SATB2: variants seen among roughly 807,000 people sequenced by gnomAD.
The protein encoded by SATB2 is DNA-binding protein SATB2.
SATB2 carries 1 observed loss-of-function variant against 73.4 expected under a neutral mutation model. The ratio of observed to expected loss-of-function variants is 0.01; its 90% CI spans 0.00 to 0.06. The LOEUF (loss-of-function observed/expected upper bound fraction) is 0.06, where lower values mean the gene tolerates loss of function less well. Among genes scored for constraint, SATB2 ranks in the 10% least tolerant of loss-of-function variants. The probability of loss-of-function intolerance (pLI) is 1.00; values close to 1 mark genes in which losing one functional copy is unlikely to be tolerated. For synonymous variants in SATB2, 397 were observed against 367.0 expected (o/e 1.08, Z -0.93); for missense variants, 459 against 945.8 (o/e 0.49, Z 6.75).
At chr2:199,352,495 A>T (rs1688848369) in intron 6 of SATB2, among the ~76,000 whole-genome samples, 1 of 152,186 alleles carries the variant, frequency 6.6e-6, no homozygotes, top group Non-Finnish European at 1.5e-5. Flanking sequence ...TATCCTTATG[A>T]GTTTCCAGGT....
chr2:199,369,501 G>T (rs894648987), intron 5 of SATB2, among the ~76,000 whole-genome samples: 7 of 152,060 alleles, frequency 4.6e-5, no homozygotes, highest in Admixed American at 2.6e-4. Context: ...GTATGTTTGG[G>T]CCAACATTTG....
At chr2:199,332,689 TTC>T (rs1209446693) in intron 7 of SATB2, among the ~76,000 whole-genome samples, 24 of 152,252 alleles carry the variant, frequency 1.6e-4, no homozygotes, top group African/African-American at 5.5e-4. Flanking sequence ...AGTCTGTACT[TTC>T]TGTGTCAATG....
chr2:199,438,045 A>G (rs950385182), intron 2 of SATB2, among the ~76,000 whole-genome samples: 1 of 152,194 alleles, frequency 6.6e-6, no homozygotes, highest in African/African-American at 2.4e-5. Context: ...AAACATAGCT[A>G]GTCTCAAATT....
At chr2:199,284,429 C>T (rs1574470562) in intron 10 of SATB2, among the ~76,000 whole-genome samples, 1 of 152,092 alleles carries the variant, frequency 6.6e-6, no homozygotes, top group African/African-American at 2.4e-5. Context: ...TAGAATGTTG[C>T]TCTAGTATCA....
chr2:199,383,815 C>A (rs1009099457), intron 3 of SATB2, among the ~76,000 whole-genome samples: 2 of 152,192 alleles, frequency 1.3e-5, no homozygotes, highest in Admixed American at 6.5e-5. Context: ...CACACTACAG[C>A]CAGACACAAC....
intron 2 of SATB2, among the ~76,000 whole-genome samples, chr2:199,434,729 C>A (rs970165807): frequency 1.3e-5 from 2 of 152,080 alleles, no homozygotes; most frequent in African/African-American, 2.4e-5. Context: ...GGGAGTATGG[C>A]CCCTGACACA....
At chr2:199,276,356 G>GTGTTT (rs761046650) in intron 10 of SATB2, among the ~76,000 whole-genome samples, 18 of 152,228 alleles carry the variant, frequency 1.2e-4, no homozygotes, top group East Asian at 3.9e-4. Flanking sequence ...TTTCGATTTG[G>GTGTTT]TGTTTTGTTT....
At chr2:199,379,283 G>A (rs1689694165) in intron 5 of SATB2, among the ~76,000 whole-genome samples, 1 of 152,110 alleles carries the variant, frequency 6.6e-6, no homozygotes, top group South Asian at 2.1e-4. Context: ...AGTTTATGGT[G>A]CGTTCACTAA....
At chr2:199,382,126 A>C (rs1003728847) in intron 3 of SATB2, among the ~76,000 whole-genome samples, 2 of 152,240 alleles carry the variant, frequency 1.3e-5, no homozygotes, top group African/African-American at 4.8e-5. Flanking sequence ...TCACATTCTA[A>C]CTTAAGGCTG....
Position 199,287,586 on chromosome 2 carries a change from TG to T in SATB2, c.1741-14915del, listed in dbSNP as rs577771494. On this transcript the variant is annotated intron_variant, in intron 10 of 10. Coordinates refer to ENST00000417098, the MANE Select transcript of SATB2 (RefSeq NM_001172509.2). ...ACAAGGATAATATGGAGGGGTGTGG[TG>T]GGGGGGGAGATTATCTATGTATACT... Among the ~76,000 whole-genome samples the T allele has an allele frequency of 1.6e-3, 243 of 149,028 alleles. 3 individuals carry two copies. The highest frequency in any genetic ancestry group is 4.5e-3 in the African/African-American group (185 of 40,718).
Position 199,444,557 on chromosome 2 carries a change from G to A in SATB2, c.170-11043C>T, listed in dbSNP as rs910688733. 2.0e-5 allele frequency among the ~76,000 whole-genome samples: 3 copies of A among 152,100 alleles called. No individual in the cohort carries two copies. In the East Asian group the frequency reaches 5.8e-4, roughly 29 times the overall value. On this transcript the variant is annotated intron_variant, in intron 2 of 10. Transcript: ENST00000417098. ...TTCTGAGCCACAAAATAAAGGTATTGGTGTTGTCCCCCTCCCCCTAGAAAG... is the reference window on the plus strand; with the variant it reads ...TTCTGAGCCACAAAATAAAGGTATTAGTGTTGTCCCCCTCCCCCTAGAAAG...
chr2:199,368,711 A>G lies in SATB2; in HGVS notation c.598-4T>C, dbSNP rs1689358503. 1 of 1,460,850 alleles carries G rather than the reference A, an allele frequency of 6.8e-7. No individual in the cohort carries two copies. Among genetic ancestry groups the G allele is most frequent in the Non-Finnish European group, 9.5e-7 (1 of 1,052,050 alleles). The allele number at this position is 1,460,850 out of a possible 1,614,324, so 90.5% of individuals were successfully genotyped here. On this transcript the variant is annotated splice_region_variant and splice_polypyrimidine_tract_variant and intron_variant, in intron 5 of 10. Coordinates refer to ENST00000417098, the MANE Select transcript of SATB2 (RefSeq NM_001172509.2). ...TTACAATGGATGAAATCATACTCTG[A>G]AAAAAAAAATTATAGTTATTTTTTC...
intron 3 of SATB2, among the ~76,000 whole-genome samples, chr2:199,409,073 G>A (rs769224233): frequency 1.1e-4 from 16 of 152,190 alleles, no homozygotes; most frequent in African/African-American, 2.6e-4. Context: ...TTCAGTAGAC[G>A]GGAGGGTATG....
At chr2:199,449,527 A>G (rs1006344277) in intron 2 of SATB2, among the ~76,000 whole-genome samples, 1 of 152,204 alleles carries the variant, frequency 6.6e-6, no homozygotes, top group African/African-American at 2.4e-5. Flanking sequence ...AAGAAGAAAA[A>G]TAATGTTTGG....
At chr2:199,386,716 GCACACACACACACACACACACACACACA>G (rs61568459) in intron 3 of SATB2, among the ~76,000 whole-genome samples, 1 of 9,220 alleles carries the variant, frequency 1.1e-4, no homozygotes, top group Non-Finnish European at 7.3e-4. Flanking sequence ...GCGCGCGCGC[GCACACACACACACACACACACACACACA>G]CACACACACA....
chr2:199,461,874 T>C (rs2105966295), upstream of SATB2, among the ~76,000 whole-genome samples: 1 of 152,376 alleles, frequency 6.6e-6, no homozygotes, highest in African/African-American at 2.4e-5. Context: ...ATGACGTTTC[T>C]TGATTTCTCT....
intron 3 of SATB2, chr2:199,424,058 G>A (rs1691254687): frequency 6.6e-6 from 1 of 152,218 alleles, no homozygotes; most frequent in South Asian, 2.1e-4. Flanking sequence ...TTGCTGTTCT[G>A]TCCTGAGTGA....
chr2:199,402,150 G>T (rs1194116844), intron 3 of SATB2, among the ~76,000 whole-genome samples: 1 of 152,120 alleles, frequency 6.6e-6, no homozygotes, highest in Non-Finnish European at 1.5e-5. Flanking sequence ...ACTTTGGGAG[G>T]CCGAGGCGGG....
intron 6 of SATB2, among the ~76,000 whole-genome samples, chr2:199,356,857 T>C (rs962222809): frequency 6.6e-6 from 1 of 152,178 alleles, no homozygotes; most frequent in African/African-American, 2.4e-5. Flanking sequence ...AGCCCCACCA[T>C]TTATATAGTA....
Sources: allele counts gnomAD v4.1 joint callset (sites outside exome capture counted in the v4.1 genomes callset), GRCh38; gene constraint gnomAD v4.1.1; transcripts MANE v1.5; gene names NCBI Gene and HGNC (gene_info 2026-07-23, HGNC 2026-07-21).